The following SLC49A4 variants were observed in gnomAD, a reference collection of about 807,000 sequenced individuals.
SLC49A4 encodes the protein disrupted in renal cancer protein 2.
Under a neutral mutation model 50.6 loss-of-function variants are expected in SLC49A4, and 36 were observed. That is an observed-to-expected ratio of 0.71 (90% CI 0.55 to 0.94). SLC49A4 has a LOEUF of 0.94. Among genes scored for constraint, SLC49A4 ranks in the 40% least tolerant of loss-of-function variants. The pLI is 0.00. For missense variants in SLC49A4, 503 were observed against 605.7 expected, an observed-to-expected ratio of 0.83 and a Z score of 1.78; for synonymous variants, 248 against 241.2, an observed-to-expected ratio of 1.03 and a Z score of -0.26.
intron 2 of SLC49A4, among the ~76,000 whole-genome samples, chr3:122,813,940 A>G (rs1459497730): frequency 6.6e-6 from 1 of 152,210 alleles, no homozygotes. Flanking sequence ...GAGACAGGAT[A>G]AGGGAAAATG....
intron 2 of SLC49A4, among the ~76,000 whole-genome samples, chr3:122,816,807 A>G (rs1214677035): frequency 6.6e-6 from 1 of 152,198 alleles, no homozygotes; most frequent in East Asian, 1.9e-4. Context: ...ACCCACAGGA[A>G]GAAGCAGAGC....
At chr3:122,809,609 A>G (rs1047192862) in intron 2 of SLC49A4, among the ~76,000 whole-genome samples, 4 of 152,166 alleles carry the variant, frequency 2.6e-5, no homozygotes, top group Non-Finnish European at 5.9e-5. Flanking sequence ...TGGGCCATCC[A>G]TACTATTACT....
chr3:122,795,453 C>T lies in SLC49A4; in HGVS notation c.261C>T (p.Ser87=), dbSNP rs1348834639. 1.2e-6 allele frequency: 2 copies of T among 1,607,448 alleles called. No individual in the cohort carries two copies. The highest frequency in any genetic ancestry group is 3.3e-5 in the Admixed American group (2 of 59,842). The change falls in exon 1 of 9, where the codon AGC becomes AGT. Residue 87 remains serine (S), a synonymous_variant. Transcript: ENST00000261038. ...CGCGCCAGGCCTACGGCTTCTCCAGCTGGGACATCGCGCTGCTCGTGCTGT... is the reference window on the plus strand; with the variant it reads ...CGCGCCAGGCCTACGGCTTCTCCAGTTGGGACATCGCGCTGCTCGTGCTGT... ...NSARQAYGFS[S]WDIALLVLWG...
In SLC49A4 at chr3:122,860,090, C is replaced by T. The variant is rs927566477; in HGVS notation, c.1026C>T (p.Ile342=). 1.3e-5 allele frequency: 21 copies of T among 1,608,210 alleles called. No homozygotes were observed. The highest frequency in any genetic ancestry group is 1.8e-5 in the Non-Finnish European group (21 of 1,177,792). ...GIAMARFADF[I]RGMLKLILLL... ...TTGTTTTTAGGTTTGCAGATTTTAT[C>T]AGGGGTATGCTGAAACTAATTCTTC... Residue 342 remains isoleucine (I), a synonymous_variant, in exon 7 of 9, where the codon ATC becomes ATT. Transcript: ENST00000261038.
chr3:122,869,103 A>G (rs898067703), intron 7 of SLC49A4, among the ~76,000 whole-genome samples: 5 of 152,180 alleles, frequency 3.3e-5, no homozygotes, highest in Admixed American at 2.6e-4. Flanking sequence ...CTGTCCATTC[A>G]TTTGTTCATA....
At chr3:122,833,799 T>G (rs1210402757) in intron 4 of SLC49A4, among the ~76,000 whole-genome samples, 3 of 152,164 alleles carry the variant, frequency 2.0e-5, no homozygotes, top group Non-Finnish European at 4.4e-5. Flanking sequence ...GTTATACTTT[T>G]CCTAATATGC....
intron 4 of SLC49A4, among the ~76,000 whole-genome samples, chr3:122,841,390 TGTGTAGAAAAAAATAATTAGAACTGAATC>T (rs1936767166): frequency 6.6e-6 from 1 of 152,120 alleles, no homozygotes; most frequent in African/African-American, 2.4e-5. Context: ...GTCACATCAG[TGTGTAGAAAAAAATAATTAGAACTGAATC>T]CATTCATTGA....
intron 2 of SLC49A4, among the ~76,000 whole-genome samples, chr3:122,820,749 C>T (rs1049465758): frequency 3.9e-5 from 6 of 152,256 alleles, no homozygotes; most frequent in Admixed American, 3.3e-4. Context: ...TGGGACTCTG[C>T]AGCGCACCTG....
chr3:122,816,382 A>G (rs1936367460), intron 2 of SLC49A4, among the ~76,000 whole-genome samples: 1 of 152,128 alleles, frequency 6.6e-6, no homozygotes, highest in South Asian at 2.1e-4. Context: ...GTAAGGAGCA[A>G]GAAACACAGA....
At position 122,880,016 on chromosome 3, in the gene SLC49A4, A is replaced by G. The variant is rs542890616; in HGVS notation, c.*638A>G. On this transcript the variant is annotated 3_prime_UTR_variant, in exon 9 of 9. Coordinates refer to ENST00000261038, the MANE Select transcript of SLC49A4 (RefSeq NM_032839.3). Reference sequence around the variant, plus strand: ...GCATAGGCACTGTGTCTCCATCTCAACTTATCCTTGTTTCTGTGAAATACA... The same window carrying G: ...GCATAGGCACTGTGTCTCCATCTCAGCTTATCCTTGTTTCTGTGAAATACA... 5 of 152,670 alleles carry G rather than the reference A, an allele frequency of 3.3e-5. No homozygotes were observed. Among genetic ancestry groups the G allele is most frequent in the South Asian group, 2.1e-4 (1 of 4,824 alleles). 9.5% of individuals were successfully genotyped at this position (152,670 alleles called of 1,614,324 possible).
At chr3:122,833,545 TATTA>T (rs1576300012) in intron 4 of SLC49A4, 99 bp downstream of exon 4, 6 of 1,148,286 alleles carry the variant, frequency 5.2e-6, no homozygotes, top group African/African-American at 4.7e-5. Context: ...TTCAGCAACC[TATTA>T]ATTAGGTTGT....
At chr3:122,803,660 A>G (rs1266792773) in intron 1 of SLC49A4, among the ~76,000 whole-genome samples, 1 of 152,158 alleles carries the variant, frequency 6.6e-6, no homozygotes, top group Non-Finnish European at 1.5e-5. Flanking sequence ...TGGTCTTACC[A>G]GGTGAGCTCT....
chr3:122,796,796 T>C (rs1179346358), intron 1 of SLC49A4, among the ~76,000 whole-genome samples: 1 of 152,144 alleles, frequency 6.6e-6, no homozygotes, highest in Non-Finnish European at 1.5e-5. Context: ...GGTGGGAGGA[T>C]TGCTTGAGCT....
At chr3:122,807,305 A>G (rs1936235086) in intron 2 of SLC49A4, among the ~76,000 whole-genome samples, 1 of 152,092 alleles carries the variant, frequency 6.6e-6, no homozygotes, top group African/African-American at 2.4e-5. Context: ...GGCTGTGGGT[A>G]TCAAAAAGAG....
At chr3:122,842,218 G>T (rs1936780341) in intron 4 of SLC49A4, among the ~76,000 whole-genome samples, 1 of 151,968 alleles carries the variant, frequency 6.6e-6, no homozygotes, top group African/African-American at 2.4e-5. Flanking sequence ...CGGGCGCGGT[G>T]GCTCACGCCT....
intron 2 of SLC49A4, among the ~76,000 whole-genome samples, chr3:122,825,541 G>C (rs927923302): frequency 1.3e-5 from 2 of 150,930 alleles, no homozygotes; most frequent in Non-Finnish European, 2.9e-5. Context: ...ACTCACTTCT[G>C]TTTCTACATT....
intron 2 of SLC49A4, among the ~76,000 whole-genome samples, chr3:122,823,439 T>A (rs1370950668): frequency 6.6e-6 from 1 of 152,270 alleles, no homozygotes; most frequent in Non-Finnish European, 1.5e-5. Flanking sequence ...GGGCAAGGCC[T>A]AACTATTGCC....
At chr3:122,825,481 T>C (rs1936512875) in intron 2 of SLC49A4, among the ~76,000 whole-genome samples, 1 of 152,022 alleles carries the variant, frequency 6.6e-6, no homozygotes, top group Non-Finnish European at 1.5e-5. Context: ...ATATAATTTT[T>C]CCAACATAAC....
chr3:122,863,720 T>G (rs994274454), intron 7 of SLC49A4, among the ~76,000 whole-genome samples: 34 of 152,340 alleles, frequency 2.2e-4, no homozygotes, highest in Middle Eastern at 3.4e-3. Context: ...AAATATCTAG[T>G]CTTTTTCCTC....
Sources: allele counts gnomAD v4.1 joint callset (sites outside exome capture counted in the v4.1 genomes callset), GRCh38; gene constraint gnomAD v4.1.1; transcripts MANE v1.5; gene names NCBI Gene and HGNC (gene_info 2026-07-23, HGNC 2026-07-21).